SGTA: variants seen among roughly 807,000 people sequenced by gnomAD.
The protein encoded by SGTA is small glutamine-rich tetratricopeptide repeat-containing protein alpha.
SGTA carries 22 observed loss-of-function variants against 44.3 expected under a neutral mutation model. That is an observed-to-expected ratio of 0.50 (90% CI 0.36 to 0.71). The LOEUF is 0.71. SGTA is among the 30% of genes least tolerant of loss of function. The pLI, the probability that SGTA is intolerant of heterozygous loss-of-function variation, is 0.00. For synonymous variants in SGTA, 174 were observed against 177.6 expected, an observed-to-expected ratio of 0.98 and a Z score of 0.16; for missense variants, 341 against 435.9, an observed-to-expected ratio of 0.78 and a Z score of 1.94.
At chr19:2,758,973 G>T (rs569474003) in intron 9 of SGTA, among the ~76,000 whole-genome samples, 1 of 152,216 alleles carries the variant, frequency 6.6e-6, no homozygotes, top group South Asian at 2.1e-4. Flanking sequence ...GTTGTCAGGG[G>T]ATAGGAGAGG....
chr19:2,760,146 G>C (rs998929670), intron 8 of SGTA, among the ~76,000 whole-genome samples: 1 of 152,032 alleles, frequency 6.6e-6, no homozygotes, highest in Non-Finnish European at 1.5e-5. Context: ...GGTGCCTGAC[G>C]CAACTACTCA....
intron 8 of SGTA, among the ~76,000 whole-genome samples, chr19:2,760,098 G>T (rs113117317): frequency 2.6e-3 from 394 of 152,314 alleles, no homozygotes; most frequent in Middle Eastern, 0.02. Context: ...TCTGTGTAAA[G>T]GGCCAGTGTG....
intron 1 of SGTA, chr19:2,770,591 C>A: frequency 6.5e-6 from 1 of 153,504 alleles, no homozygotes; most frequent in South Asian, 1.8e-4. Context: ...GCCGCTGGAG[C>A]AGCCAAGTTC....
At position 2,763,505 on chromosome 19, in the gene SGTA, G is replaced by A. The variant is rs973068168; in HGVS notation, c.497+148C>T. 2.9e-5 allele frequency: 17 copies of A among 583,862 alleles called. No homozygotes were observed. Among genetic ancestry groups the A allele is most frequent in the Admixed American group, 1.4e-4 (5 of 35,142 alleles). The allele number at this position is 583,862 out of a possible 1,614,324, so 36.2% of individuals were successfully genotyped here. On this transcript the variant is annotated intron_variant, in intron 6 of 11. Coordinates refer to ENST00000221566, the MANE Select transcript of SGTA (RefSeq NM_003021.4). This position sits in a 1 kb window ranked among gnomAD's most constrained non-coding sequence, Gnocchi z 5.8. Reference sequence around the variant, plus strand: ...CCTGTGACCTGTAGGGACTACGTTGGCTCCGAACAGCTAGTGTCAGAGTTG... The same window carrying A: ...CCTGTGACCTGTAGGGACTACGTTGACTCCGAACAGCTAGTGTCAGAGTTG...
At chr19:2,779,355 G>C (rs1269704570) in intron 1 of SGTA, among the ~76,000 whole-genome samples, 4 of 152,148 alleles carry the variant, frequency 2.6e-5, no homozygotes, top group Admixed American at 6.5e-5. Flanking sequence ...CTTCTCTGCT[G>C]TCCCCAAGGT....
chr19:2,766,801 T>C (rs1276143110), intron 4 of SGTA, among the ~76,000 whole-genome samples: 1 of 151,868 alleles, frequency 6.6e-6, no homozygotes, highest in Non-Finnish European at 1.5e-5. Context: ...TTGGTGGACA[T>C]GTGTCTCTCT....
intron 1 of SGTA, among the ~76,000 whole-genome samples, chr19:2,781,037 T>C (rs1276249146): frequency 2.0e-5 from 3 of 152,306 alleles, no homozygotes; most frequent in African/African-American, 4.8e-5. Flanking sequence ...GAGCAGAGAT[T>C]GTGCCACTGC....
intron 1 of SGTA, among the ~76,000 whole-genome samples, chr19:2,780,192 C>G (rs1361265242): frequency 6.6e-6 from 1 of 152,170 alleles, no homozygotes. Flanking sequence ...CTGAGGTCGT[C>G]TTACCTCCTC....
rs1224811868 is a variant in SGTA at position 2,761,901 on chromosome 19, G to A, written c.637-379C>T. Among the ~76,000 whole-genome samples, 1 of 148,622 alleles carries A rather than the reference G, an allele frequency of 6.7e-6. No individual in the cohort carries two copies. Among genetic ancestry groups the A allele is most frequent in the East Asian group, 2.0e-4 (1 of 5,022 alleles). ...TGTTTATTCCCCGTACAGCGCGACC[G>A]CCCGGGGACGGCACAGTCTATCATC... On this transcript the variant is annotated intron_variant, in intron 7 of 11. Transcript: ENST00000221566. This position sits in a 1 kb window ranked among gnomAD's most constrained non-coding sequence, Gnocchi z 5.7.
intron 8 of SGTA, among the ~76,000 whole-genome samples, chr19:2,760,981 G>T (rs1198487486): frequency 6.6e-6 from 1 of 152,238 alleles, no homozygotes; most frequent in East Asian, 1.9e-4. Context: ...GCCAAAGGCC[G>T]TCCCTTTGGA....
chr19:2,757,610 C>G (rs1156252151), intron 10 of SGTA, 83 bp downstream of exon 10: 2 of 1,446,484 alleles, frequency 1.4e-6, no homozygotes, highest in African/African-American at 2.8e-5. Context: ...GGACGCAGCA[C>G]TTTCGCTCTC....
chr19:2,767,284 G>T lies in SGTA; in HGVS notation c.208-64C>A, dbSNP rs902284654. ...CCCAACCTGGCACCCTCCGGCCTTA[G>T]CTTCCCTCGGGACGCCAGAGAGGGC... is the stretch of plus-strand genomic sequence containing the variant. On this transcript the variant is annotated intron_variant, in intron 3 of 11. Coordinates refer to ENST00000221566, the MANE Select transcript of SGTA (RefSeq NM_003021.4). The surrounding 1 kb of genome is among the most constrained non-coding windows in gnomAD (Gnocchi z 7.3). 5.2e-5 allele frequency: 69 copies of T among 1,336,358 alleles called. No homozygotes were observed. The highest frequency in any genetic ancestry group is 6.7e-5 in the Non-Finnish European group (64 of 958,498). The allele number at this position is 1,336,358 out of a possible 1,614,324, so 82.8% of individuals were successfully genotyped here.
chr19:2,783,000 C>G (rs914175358), intron 1 of SGTA, among the ~76,000 whole-genome samples: 1 of 152,232 alleles, frequency 6.6e-6, no homozygotes, highest in Non-Finnish European at 1.5e-5. Context: ...GCCACCAGGC[C>G]GCGGACCAGC....
chr19:2,776,856 A>T (rs1227714197), intron 1 of SGTA, among the ~76,000 whole-genome samples: 1 of 152,064 alleles, frequency 6.6e-6, no homozygotes, highest in Non-Finnish European at 1.5e-5. Flanking sequence ...CCAGCTACTC[A>T]GGAGGCTGAG....
intron 1 of SGTA, among the ~76,000 whole-genome samples, chr19:2,778,245 G>A (rs1310336341): frequency 6.6e-6 from 1 of 152,142 alleles, no homozygotes; most frequent in Non-Finnish European, 1.5e-5. Flanking sequence ...GGAGGGGGAT[G>A]TGCGTTCCTT....
chr19:2,765,677 T>C lies in SGTA; in HGVS notation c.293-392A>G, dbSNP rs111982287. On this transcript the variant is annotated intron_variant, in intron 4 of 11. Coordinates refer to ENST00000221566, the MANE Select transcript of SGTA (RefSeq NM_003021.4). This position sits in a 1 kb window ranked among gnomAD's most constrained non-coding sequence, Gnocchi z 5.5. ...GAAAGAGCCCAAGTGGAGGCCTGTA[T>C]TTTGGAATACTCATGTGATACCTTC... 1.3e-5 allele frequency among the ~76,000 whole-genome samples: 2 copies of C among 152,302 alleles called. No homozygotes were observed. The highest frequency in any genetic ancestry group is 4.8e-5 in the African/African-American group (2 of 41,574).
chr19:2,757,603 C>T lies in SGTA; in HGVS notation c.827+90G>A, dbSNP rs550692309. ...ACGCTGGGCCCTTCGGAGCAGGGGA[C>T]GCAGCACTTTCGCTCTCCTCCTTCC... On this transcript the variant is annotated intron_variant, in intron 10 of 11. Transcript: ENST00000221566. The T allele has an allele frequency of 3.8e-5, 55 of 1,441,454 alleles. No homozygotes were observed. The South Asian group carries it at 6.1e-4, about 16-fold the overall frequency. 89.3% of individuals were successfully genotyped at this position (1,441,454 alleles called of 1,614,324 possible).
chr19:2,782,225 A>T (rs1402319510), intron 1 of SGTA, among the ~76,000 whole-genome samples: 8 of 152,194 alleles, frequency 5.3e-5, no homozygotes, highest in African/African-American at 1.9e-4. Flanking sequence ...CCCCCAAATC[A>T]TGACAAGCAC....
chr19:2,773,918 T>C (rs1304420477), intron 1 of SGTA, among the ~76,000 whole-genome samples: 2 of 95,906 alleles, frequency 2.1e-5, no homozygotes, highest in African/African-American at 1.5e-4. Context: ...CAGAGATGGG[T>C]GACGCGGCCA....
Sources: gnomAD v4.1 joint callset for allele counts (sites outside exome capture counted in the v4.1 genomes callset) on GRCh38, gnomAD v4.1.1 for gene constraint, Gnocchi (gnomAD v3.1) non-coding constraint, MANE v1.5 for transcripts, NCBI Gene and HGNC (gene_info 2026-07-23, HGNC 2026-07-21) for gene names.